The following LSM3 variants were observed in gnomAD, a reference collection of about 807,000 sequenced individuals.
The protein encoded by LSM3 is LSM3 homolog, U6 small nuclear RNA and mRNA degradation associated, also known as U6 snRNA-associated Sm-like protein LSm3.
In LSM3, 14 loss-of-function variants were observed where a neutral mutation model predicts 15.4. The observed-to-expected ratio is 0.91, with a 90% confidence interval of 0.60 to 1.42. The LOEUF (loss-of-function observed/expected upper bound fraction) is 1.42, where lower values mean the gene tolerates loss of function less well. LSM3 is among the 40% of genes most tolerant of loss of function. LSM3 has a pLI of 0.00. For synonymous variants in LSM3, 46 were observed against 45.1 expected, an observed-to-expected ratio of 1.02 and a Z score of -0.08; for missense variants, 88 against 127.9, an observed-to-expected ratio of 0.69 and a Z score of 1.50.
Position 14,199,316 on chromosome 3 carries a change from A to G in LSM3, c.*1200A>G, listed in dbSNP as rs1263472643. ...AAAGAGGAAAGTAAAAGCGTGTTAC[A>G]ATCTCTCAAACTTTATCAAGACAGG... On this transcript the variant is annotated 3_prime_UTR_variant, in exon 4 of 4. Transcript: ENST00000306024. 1 of 152,194 alleles carries G rather than the reference A, an allele frequency of 6.6e-6. No homozygotes were observed. Among genetic ancestry groups the G allele is most frequent in the Non-Finnish European group, 1.5e-5 (1 of 68,028 alleles). 9.4% of individuals were successfully genotyped at this position (152,194 alleles called of 1,614,324 possible). A position where few individuals can be genotyped will look rare whatever the true frequency, so the allele number is the denominator to read the frequency against.
At chr3:14,187,096 C>T (rs1697096232) in intron 3 of LSM3, among the ~76,000 whole-genome samples, 1 of 152,198 alleles carries the variant, frequency 6.6e-6, no homozygotes, top group African/African-American at 2.4e-5. Context: ...CTGCCACTTA[C>T]TCCATGTTTG....
At chr3:14,186,005 A>G (rs1374289202) in intron 3 of LSM3, among the ~76,000 whole-genome samples, 1 of 151,968 alleles carries the variant, frequency 6.6e-6, no homozygotes, top group East Asian at 1.9e-4. Context: ...TCCGCCTCCC[A>G]GGTTCAAGCA....
chr3:14,186,555 TG>T (rs1697091343), intron 3 of LSM3, among the ~76,000 whole-genome samples: 2 of 152,270 alleles, frequency 1.3e-5, no homozygotes, highest in East Asian at 3.8e-4. Context: ...CCTTTGCTAG[TG>T]TTCTTTCTCC....
At chr3:14,192,848 G>A (rs1697153106) in intron 3 of LSM3, among the ~76,000 whole-genome samples, 2 of 152,194 alleles carry the variant, frequency 1.3e-5, no homozygotes, top group Non-Finnish European at 1.5e-5. Context: ...TTGCCCATTA[G>A]TTAATGCAGT....
In LSM3 at chr3:14,199,295, A is replaced by G. The variant is rs879399054; in HGVS notation, c.*1179A>G. The G allele has an allele frequency of 3.9e-5, 6 of 152,226 alleles. No homozygotes were observed. The highest frequency in any genetic ancestry group is 7.3e-5 in the Non-Finnish European group (5 of 68,030). The allele number at this position is 152,226 out of a possible 1,614,324, so 9.4% of individuals were successfully genotyped here. A position where few individuals can be genotyped will look rare whatever the true frequency, so the allele number is the denominator to read the frequency against. On this transcript the variant is annotated 3_prime_UTR_variant, in exon 4 of 4. Coordinates refer to ENST00000306024, the MANE Select transcript of LSM3 (RefSeq NM_014463.3). ...AGCACATAATGCTTAAAACCTAAAG[A>G]GGAAAGTAAAAGCGTGTTACAATCT...
At chr3:14,191,767 G>A (rs978814271) in intron 3 of LSM3, among the ~76,000 whole-genome samples, 2 of 151,612 alleles carry the variant, frequency 1.3e-5, no homozygotes, top group South Asian at 2.1e-4. Context: ...AGGGTTTTTC[G>A]TGTCTCTATC....
chr3:14,197,904 A>C (rs568020088), intron 3 of LSM3, 132 bp from the exon 4 acceptor site: 1 of 692,786 alleles, frequency 1.4e-6, no homozygotes, highest in African/African-American at 1.8e-5. Flanking sequence ...TGGTGCTACC[A>C]AGGGAAGTGA....
chr3:14,178,888 G>C lies in LSM3; in HGVS notation c.21+7G>C. 1 of 1,614,182 alleles carries C rather than the reference G, an allele frequency of 6.2e-7. No individual in the cohort carries two copies. The highest frequency in any genetic ancestry group is 8.5e-7 in the Non-Finnish European group (1 of 1,180,018). The stretch of plus-strand genomic sequence containing the variant: ...GGCGGACGACGTAGACCAGGTAAGT[G>C]TATTTTAAGGAGGTCGCTCGAAGGA... On this transcript the variant is annotated splice_region_variant and intron_variant, in intron 1 of 3. Transcript: ENST00000306024.
intron 1 of LSM3, among the ~76,000 whole-genome samples, chr3:14,181,205 G>A (rs902501510): frequency 3.7e-4 from 57 of 152,150 alleles, no homozygotes; most frequent in African/African-American, 1.3e-3. Flanking sequence ...CATAATATTT[G>A]AGATAAAGCT....
intron 1 of LSM3, among the ~76,000 whole-genome samples, chr3:14,180,728 G>A (rs1387305206): frequency 6.7e-6 from 1 of 148,758 alleles, no homozygotes. Flanking sequence ...GAGAATTACA[G>A]ATGGCATGAT....
chr3:14,182,154 CTG>C (rs1314930392), intron 2 of LSM3, among the ~76,000 whole-genome samples: 3 of 152,158 alleles, frequency 2.0e-5, no homozygotes, highest in Non-Finnish European at 4.4e-5. Flanking sequence ...CAGGAGTTCT[CTG>C]TGTTGCCAGC....
At chr3:14,179,935 G>T (rs1697004471) in intron 1 of LSM3, among the ~76,000 whole-genome samples, 1 of 152,200 alleles carries the variant, frequency 6.6e-6, no homozygotes, top group African/African-American at 2.4e-5. Context: ...CTCCTTGAGG[G>T]TGGGGATTGT....
At chr3:14,184,483 G>T (rs192738389) in intron 3 of LSM3, among the ~76,000 whole-genome samples, 1 of 152,026 alleles carries the variant, frequency 6.6e-6, no homozygotes, top group African/African-American at 2.4e-5. Flanking sequence ...GGCCGGGCGC[G>T]GTGGCTCACG....
intron 2 of LSM3, among the ~76,000 whole-genome samples, chr3:14,182,031 A>G (rs1336809198): frequency 6.6e-6 from 1 of 152,114 alleles, no homozygotes. Flanking sequence ...GTGAAATCCC[A>G]TTTCTTCTAC....
intron 2 of LSM3, among the ~76,000 whole-genome samples, chr3:14,182,347 T>A (rs1186185887): frequency 6.6e-6 from 1 of 152,220 alleles, no homozygotes; most frequent in African/African-American, 2.4e-5. Flanking sequence ...CTTTTTTTTT[T>A]TTCACTTAAT....
chr3:14,193,895 T>C (rs1006132681), intron 3 of LSM3, among the ~76,000 whole-genome samples: 1 of 152,196 alleles, frequency 6.6e-6, no homozygotes, highest in Non-Finnish European at 1.5e-5. Flanking sequence ...TTTGTGCTGG[T>C]TTTTCCCCCA....
chr3:14,187,595 C>T (rs1353359761), intron 3 of LSM3, among the ~76,000 whole-genome samples: 1 of 152,206 alleles, frequency 6.6e-6, no homozygotes, highest in Non-Finnish European at 1.5e-5. Context: ...TCTTGTTACT[C>T]CTCTCCAAGA....
rs745333237 is a variant in LSM3 at position 14,178,830 on chromosome 3, G to C, written c.-31G>C. 3.7e-6 allele frequency: 6 copies of C among 1,614,034 alleles called. No individual in the cohort carries two copies. Among genetic ancestry groups the C allele is most frequent in the Non-Finnish European group, 3.4e-6 (4 of 1,179,968 alleles). ...ATTGACGTTGCTCTTGTGTTCTCGC[G>C]AGAGGCGGGAAAGGGCGCAGGGTTT... On this transcript the variant is annotated 5_prime_UTR_variant, in exon 1 of 4. Coordinates refer to ENST00000306024, the MANE Select transcript of LSM3 (RefSeq NM_014463.3).
Position 14,185,414 on chromosome 3 carries a change from G to A in LSM3, c.228+1382G>A, listed in dbSNP as rs1036565924. On this transcript the variant is annotated intron_variant, in intron 3 of 3. Transcript: ENST00000306024. ...GTGTTACTGTAAGTAACATTTTTATGAACAATAACTATTTTCTAAAACAAA... is the reference window on the plus strand; with the variant it reads ...GTGTTACTGTAAGTAACATTTTTATAAACAATAACTATTTTCTAAAACAAA... Among the ~76,000 whole-genome samples, 3 of 152,026 alleles carry A rather than the reference G, an allele frequency of 2.0e-5. No individual in the cohort carries two copies. The East Asian group carries it at 5.8e-4, about 29-fold the overall frequency.
Sources: allele counts gnomAD v4.1 joint callset (sites outside exome capture counted in the v4.1 genomes callset), GRCh38; gene constraint gnomAD v4.1.1; transcripts MANE v1.5; gene names NCBI Gene and HGNC (gene_info 2026-07-23, HGNC 2026-07-21).